EPHA6: variants seen among roughly 807,000 people sequenced by gnomAD.
EPHA6 encodes EPH receptor A6.
A neutral mutation model predicts 112.0 loss-of-function variants in EPHA6; 50 were observed. The observed-to-expected ratio is 0.45, with a 90% confidence interval of 0.36 to 0.56. The LOEUF (loss-of-function observed/expected upper bound fraction) is 0.56, where lower values mean the gene tolerates loss of function less well. Ranked by LOEUF, EPHA6 falls within the 20% of genes least tolerant of loss-of-function variation. The pLI, the probability that EPHA6 is intolerant of heterozygous loss-of-function variation, is 0.00. For synonymous variants in EPHA6, 529 were observed against 490.7 expected, an observed-to-expected ratio of 1.08 and a Z score of -1.03; for missense variants, 1,280 against 1,417.4, an observed-to-expected ratio of 0.90 and a Z score of 1.56.
intron 10 of EPHA6, among the ~76,000 whole-genome samples, chr3:97,495,929 T>C (rs2091965595): frequency 6.6e-6 from 1 of 152,162 alleles, no homozygotes; most frequent in African/African-American, 2.4e-5. Context: ...CCCTGGACTG[T>C]AAATATCTTA....
intron 2 of EPHA6, among the ~76,000 whole-genome samples, chr3:96,947,030 G>GTT (rs1233880230): frequency 2.7e-4 from 39 of 142,514 alleles, no homozygotes; most frequent in African/African-American, 9.2e-4. Context: ...CTGTTTGTTT[G>GTT]TTTTTTTTTT....
intron 3 of EPHA6, among the ~76,000 whole-genome samples, chr3:97,058,853 T>G (rs1002909562): frequency 6.6e-5 from 10 of 152,196 alleles, no homozygotes; most frequent in Non-Finnish European, 1.2e-4. Context: ...AAGATTGTTT[T>G]TATATTTTAT....
intron 12 of EPHA6, among the ~76,000 whole-genome samples, chr3:97,610,110 C>T (rs111400655): frequency 3.8e-4 from 57 of 151,648 alleles, no homozygotes; most frequent in Non-Finnish European, 7.7e-4. Context: ...ATCTTATCTT[C>T]TATACCAGAC....
At chr3:97,607,700 A>C (rs1420804552) in intron 12 of EPHA6, among the ~76,000 whole-genome samples, 2 of 151,204 alleles carry the variant, frequency 1.3e-5, no homozygotes, top group Non-Finnish European at 3.0e-5. Flanking sequence ...CACTGACTTT[A>C]GTATGATGCA....
intron 2 of EPHA6, among the ~76,000 whole-genome samples, chr3:96,938,191 C>T (rs1363950914): frequency 1.3e-5 from 2 of 152,034 alleles, no homozygotes; most frequent in African/African-American, 4.8e-5. Flanking sequence ...CTATAAATTA[C>T]CTTGGGCAGT....
intron 1 of EPHA6, among the ~76,000 whole-genome samples, chr3:96,834,656 A>G (rs1391184144): frequency 2.0e-5 from 3 of 151,922 alleles, no homozygotes; most frequent in Admixed American, 2.0e-4. Context: ...TAAAGCAGAG[A>G]TAGCTTACTG....
chr3:97,085,781 G>C (rs539106223), intron 3 of EPHA6, among the ~76,000 whole-genome samples: 11 of 151,722 alleles, frequency 7.3e-5, no homozygotes, highest in African/African-American at 2.7e-4. Context: ...TTGGATTTTT[G>C]TTTTTACTTC....
intron 1 of EPHA6, among the ~76,000 whole-genome samples, chr3:96,861,146 C>G (rs996109283): frequency 6.6e-6 from 1 of 151,820 alleles, no homozygotes; most frequent in African/African-American, 2.4e-5. Flanking sequence ...CTCTGTCAGT[C>G]AGGATAAGGA....
chr3:97,277,841 G>A (rs939668147), intron 5 of EPHA6, among the ~76,000 whole-genome samples: 2 of 152,160 alleles, frequency 1.3e-5, no homozygotes, highest in African/African-American at 2.4e-5. Flanking sequence ...GAGTGAATGT[G>A]AAGGCCTAGG....
chr3:97,218,469 C>A (rs1431590882), intron 3 of EPHA6, among the ~76,000 whole-genome samples: 1 of 152,066 alleles, frequency 6.6e-6, no homozygotes, highest in Non-Finnish European at 1.5e-5. Flanking sequence ...GCACCTTTTT[C>A]ACAAGACAGG....
At chr3:97,284,911 A>G (rs1361450748) in intron 5 of EPHA6, among the ~76,000 whole-genome samples, 1 of 152,184 alleles carries the variant, frequency 6.6e-6, no homozygotes, top group African/African-American at 2.4e-5. Flanking sequence ...AGGGATAGGT[A>G]TATACATTCA....
chr3:97,275,645 A>G (rs1320560765), intron 5 of EPHA6, among the ~76,000 whole-genome samples: 1 of 152,196 alleles, frequency 6.6e-6, no homozygotes, highest in African/African-American at 2.4e-5. Context: ...AGGAGAGTTT[A>G]TAGGCTTTAA....
intron 3 of EPHA6, among the ~76,000 whole-genome samples, chr3:97,106,503 A>T (rs1409492880): frequency 6.6e-6 from 1 of 152,122 alleles, no homozygotes; most frequent in African/African-American, 2.4e-5. Flanking sequence ...AGGGGAAAAC[A>T]ACTTTCCTGC....
At chr3:96,897,768 A>C (rs549581616) in intron 2 of EPHA6, among the ~76,000 whole-genome samples, 1 of 152,214 alleles carries the variant, frequency 6.6e-6, no homozygotes, top group Admixed American at 6.5e-5. Context: ...ATGCATTGCA[A>C]AATTCTAAAT....
At chr3:96,971,180 T>C (rs2042304350) in intron 2 of EPHA6, among the ~76,000 whole-genome samples, 2 of 152,082 alleles carry the variant, frequency 1.3e-5, no homozygotes, top group South Asian at 4.1e-4. Flanking sequence ...CTTCAGAATA[T>C]GACAGTTTTA....
intron 6 of EPHA6, among the ~76,000 whole-genome samples, chr3:97,444,818 C>T (rs116844297): frequency 6.6e-6 from 1 of 152,152 alleles, no homozygotes; most frequent in East Asian, 1.9e-4. Flanking sequence ...GCAAGAGGGT[C>T]CATTTTAGTT....
chr3:97,098,356 A>G (rs554841409), intron 3 of EPHA6, among the ~76,000 whole-genome samples: 1 of 152,036 alleles, frequency 6.6e-6, no homozygotes, highest in South Asian at 2.1e-4. Context: ...GACTATTGGA[A>G]GTAATAAACT....
chr3:96,842,320 C>T (rs2034800117), intron 1 of EPHA6, among the ~76,000 whole-genome samples: 1 of 152,068 alleles, frequency 6.6e-6, no homozygotes, highest in East Asian at 1.9e-4. Context: ...ATTGTTTCTA[C>T]TAAAACAAGG....
chr3:97,145,515 A>C (rs1349611228), intron 3 of EPHA6, among the ~76,000 whole-genome samples: 1 of 150,302 alleles, frequency 6.7e-6, no homozygotes, highest in Non-Finnish European at 1.5e-5. Flanking sequence ...TACCTTATTT[A>C]CCTTTAGGAA....
Sources: allele counts gnomAD v4.1 joint callset (sites outside exome capture counted in the v4.1 genomes callset), GRCh38; gene constraint gnomAD v4.1.1; transcripts MANE v1.5; gene names NCBI Gene and HGNC (gene_info 2026-07-23, HGNC 2026-07-21).